CYYR1: variants seen among roughly 807,000 people sequenced by gnomAD.
CYYR1 encodes cysteine and tyrosine-rich protein 1.
In CYYR1, 14 loss-of-function variants were observed where a neutral mutation model predicts 15.2. The ratio of observed to expected loss-of-function variants is 0.92; its 90% CI spans 0.61 to 1.44. The LOEUF is 1.44. CYYR1 is among the 40% of genes most tolerant of loss of function. The pLI is 0.00. For missense variants in CYYR1, 228 were observed against 209.5 expected, an observed-to-expected ratio of 1.09 and a Z score of -0.54; for synonymous variants, 80 against 77.4, an observed-to-expected ratio of 1.03 and a Z score of -0.18.
intron 2 of CYYR1, among the ~76,000 whole-genome samples, chr21:26,547,681 C>T (rs183607440): frequency 3.4e-4 from 52 of 152,222 alleles, no homozygotes; most frequent in Middle Eastern, 3.4e-3. Flanking sequence ...TTCAACGAAC[C>T]TTCAGAGGGC....
intron 2 of CYYR1, among the ~76,000 whole-genome samples, chr21:26,520,111 GAGATAT>G (rs1382096276): frequency 0.021 from 1,769 of 83,120 alleles, 162 homozygotes; most frequent in African/African-American, 0.084. Context: ...AAAAACCCAG[GAGATAT>G]ATATATATAT....
chr21:26,564,739 A>G (rs992122780), intron 2 of CYYR1: 1 of 1,218,996 alleles, frequency 8.2e-7, no homozygotes, highest in South Asian at 1.5e-5. Context: ...GAGCTAAGCT[A>G]GGAGCCAGAT....
At chr21:26,563,228 C>T (rs1980363437) in intron 2 of CYYR1, among the ~76,000 whole-genome samples, 1 of 151,624 alleles carries the variant, frequency 6.6e-6, no homozygotes. Context: ...AAAAAGGGCA[C>T]CTGAATTTAT....
At position 26,467,375 on chromosome 21, in the gene CYYR1, G is replaced by A. The variant is rs2064980345; in HGVS notation, c.*1126C>T. 1 of 148,208 alleles carries A rather than the reference G, an allele frequency of 6.7e-6. No homozygotes were observed. Among genetic ancestry groups the A allele is most frequent in the African/African-American group, 2.6e-5 (1 of 38,684 alleles). The allele number at this position is 148,208 out of a possible 1,614,324, so 9.2% of individuals were successfully genotyped here. A position where few individuals can be genotyped will look rare whatever the true frequency, so the allele number is the denominator to read the frequency against. On this transcript the variant is annotated 3_prime_UTR_variant, in exon 4 of 4. Coordinates refer to ENST00000652641, the MANE Select transcript of CYYR1 (RefSeq NM_001320768.2). Reference sequence around the variant, plus strand: ...AATTTGATGTCAGTATCTTAATTGTGTCATTAACTTTTTTAAGAGAACAGA... The same window carrying A: ...AATTTGATGTCAGTATCTTAATTGTATCATTAACTTTTTTAAGAGAACAGA...
intron 2 of CYYR1, among the ~76,000 whole-genome samples, chr21:26,495,985 C>T (rs772755397): frequency 1.4e-4 from 22 of 152,082 alleles, no homozygotes; most frequent in Non-Finnish European, 3.1e-4. Context: ...AGCAGGGCAC[C>T]GGATTTGGTA....
At chr21:26,529,343 G>A (rs2065901960) in intron 2 of CYYR1, among the ~76,000 whole-genome samples, 1 of 151,784 alleles carries the variant, frequency 6.6e-6, no homozygotes, top group South Asian at 2.1e-4. Context: ...TGATAAACTG[G>A]CTATAAATTA....
intron 2 of CYYR1, among the ~76,000 whole-genome samples, chr21:26,524,154 G>C (rs1231035782): frequency 6.6e-6 from 1 of 152,212 alleles, no homozygotes; most frequent in South Asian, 2.1e-4. Context: ...ATATGCCGGG[G>C]GTTGTTTTGC....
chr21:26,544,105 G>C (rs1978780021), intron 2 of CYYR1, among the ~76,000 whole-genome samples: 1 of 152,082 alleles, frequency 6.6e-6, no homozygotes, highest in Non-Finnish European at 1.5e-5. Context: ...GACAGATACA[G>C]TGAAGAAGAA....
Position 26,573,151 on chromosome 21 carries a change from T to C in CYYR1, c.-211A>G, listed in dbSNP as rs1267869003. Reference sequence around the variant, plus strand: ...GGACTCCGCGGAGCTGGGGCGCCCGTGGCCCGAGACGGGCTGCGCTGGGGG... The same window carrying C: ...GGACTCCGCGGAGCTGGGGCGCCCGCGGCCCGAGACGGGCTGCGCTGGGGG... On this transcript the variant is annotated 5_prime_UTR_variant, in exon 1 of 4. Transcript: ENST00000652641. 3.4e-6 allele frequency: 5 copies of C among 1,490,930 alleles called. No homozygotes were observed. The African/African-American group carries it at 4.3e-5, about 13-fold the overall frequency. The allele number at this position is 1,490,930 out of a possible 1,614,324, so 92.4% of individuals were successfully genotyped here.
intron 2 of CYYR1, among the ~76,000 whole-genome samples, chr21:26,539,866 A>G (rs1255931883): frequency 6.6e-6 from 1 of 152,234 alleles, no homozygotes; most frequent in Non-Finnish European, 1.5e-5. Context: ...TTATTTAACC[A>G]GAAGCTTTGA....
At position 26,503,124 on chromosome 21, in the gene CYYR1, C is replaced by A. The variant is rs1706623260; in HGVS notation, c.177-22695G>T. Reference sequence around the variant, plus strand: ...GCTGTGCTGTAGTCCACAAAACAATCAGTCTCTATGACAATAATTCTAATT... The same window carrying A: ...GCTGTGCTGTAGTCCACAAAACAATAAGTCTCTATGACAATAATTCTAATT... On this transcript the variant is annotated intron_variant, in intron 2 of 3. Coordinates refer to ENST00000652641, the MANE Select transcript of CYYR1 (RefSeq NM_001320768.2). 2.0e-5 allele frequency among the ~76,000 whole-genome samples: 3 copies of A among 152,108 alleles called. No homozygotes were observed. In the South Asian group the frequency reaches 6.2e-4, roughly 31 times the overall value.
intron 2 of CYYR1, among the ~76,000 whole-genome samples, chr21:26,510,433 G>C (rs2065631178): frequency 6.6e-6 from 1 of 152,180 alleles, no homozygotes; most frequent in Non-Finnish European, 1.5e-5. Context: ...GGAGCATGAA[G>C]AAAATGCCAA....
intron 3 of CYYR1, 111 bp from the exon 4 acceptor site, chr21:26,468,745 A>T: frequency 1.3e-6 from 1 of 797,346 alleles, no homozygotes; most frequent in Non-Finnish European, 2.0e-6. Flanking sequence ...TGTGGCTGCA[A>T]AAATCTTAGT....
At chr21:26,493,846 T>G (rs528568740) in intron 2 of CYYR1, among the ~76,000 whole-genome samples, 1 of 152,286 alleles carries the variant, frequency 6.6e-6, no homozygotes, top group Admixed American at 6.5e-5. Context: ...ATGAACATGT[T>G]TATAAAATGC....
Position 26,480,398 on chromosome 21 carries a change from T to C in CYYR1, c.208A>G (p.Ile70Val). The change falls in exon 3 of 4, where the codon ATA (isoleucine) becomes GTA (valine). Residue 70 changes from isoleucine (I) to valine (V), a missense_variant. Physicochemically the swap from Ile to Val is conservative, Grantham distance 29. Coordinates refer to ENST00000652641, the MANE Select transcript of CYYR1 (RefSeq NM_001320768.2). ...GCAATGACCCCCATGATAAATACTATTCCAAAAACAATGCCCGCAATTGCA... is the reference window on the plus strand; with the variant it reads ...GCAATGACCCCCATGATAAATACTACTCCAAAAACAATGCCCGCAATTGCA... The part of the protein sequence containing the change: ...GTAIAGIVFG[I>V]VFIMGVIAGI... 6.2e-7 allele frequency: 1 copy of C among 1,612,768 alleles called. No individual in the cohort carries two copies.
At chr21:26,473,168 C>G (rs2065056979) in intron 3 of CYYR1, among the ~76,000 whole-genome samples, 1 of 151,990 alleles carries the variant, frequency 6.6e-6, no homozygotes, top group Non-Finnish European at 1.5e-5. Flanking sequence ...AGTTTTGATA[C>G]CTGGTAGAAC....
rs181912450 is a variant in CYYR1 at position 26,543,588 on chromosome 21, G to A, written c.176+22678C>T. ...GTTGCACACAATCATCTCTGCTCAT[G>A]CACCATTGGCTGAAGTTAGTTAAAT... On this transcript the variant is annotated intron_variant, in intron 2 of 3. Transcript: ENST00000652641. 6.7e-4 allele frequency among the ~76,000 whole-genome samples: 102 copies of A among 152,236 alleles called. 2 individuals carry two copies. The highest frequency in any genetic ancestry group is 2.4e-3 in the African/African-American group (99 of 41,562).
At chr21:26,529,528 A>C (rs2074552770) in intron 2 of CYYR1, among the ~76,000 whole-genome samples, 1 of 152,216 alleles carries the variant, frequency 6.6e-6, no homozygotes, top group African/African-American at 2.4e-5. Flanking sequence ...TTAAATCTGT[A>C]CCAAGTGTGC....
Position 26,474,714 on chromosome 21 carries a change from C to T in CYYR1, c.334+5558G>A, listed in dbSNP as rs2065081176. ...ATTTTTCCTTCAAAAGTCTCTTCAC[C>T]CTTGTTGTTGGCAATAATAGTGCTA... is the stretch of plus-strand genomic sequence containing the variant. On this transcript the variant is annotated intron_variant, in intron 3 of 3. Transcript: ENST00000652641. Among the ~76,000 whole-genome samples, 3 of 152,098 alleles carry T rather than the reference C, an allele frequency of 2.0e-5. No individual in the cohort carries two copies. The South Asian group carries it at 6.2e-4, about 32-fold the overall frequency.
Sources: allele counts gnomAD v4.1 joint callset (sites outside exome capture counted in the v4.1 genomes callset), GRCh38; gene constraint gnomAD v4.1.1; transcripts MANE v1.5; gene names NCBI Gene and HGNC (gene_info 2026-07-23, HGNC 2026-07-21).